Variants in R3HCC1L observed in about 807,000 individuals in gnomAD.
R3HCC1L encodes coiled-coil domain-containing protein R3HCC1L.
R3HCC1L carries 51 observed loss-of-function variants against 59.9 expected under a neutral mutation model. The ratio of observed to expected loss-of-function variants is 0.85; its 90% CI spans 0.68 to 1.07. The LOEUF (loss-of-function observed/expected upper bound fraction) is 1.07, where lower values mean the gene tolerates loss of function less well. Among genes scored for constraint, R3HCC1L ranks in the 50% least tolerant of loss-of-function variants. The pLI, the probability that R3HCC1L is intolerant of heterozygous loss-of-function variation, is 0.00. For synonymous variants in R3HCC1L, 322 were observed against 315.2 expected (o/e 1.02, Z -0.23); for missense variants, 965 against 933.0 (o/e 1.03, Z -0.45).
intron 1 of R3HCC1L, among the ~76,000 whole-genome samples, chr10:98,152,926 G>GTCCGGGAGGGAGGAGGGGGGTCAGC (rs1846389797): frequency 6.7e-6 from 1 of 148,776 alleles, no homozygotes; most frequent in Non-Finnish European, 1.5e-5. Flanking sequence ...CCGGCCAGTC[G>GTCCGGGAGGGAGGAGGGGGGTCAGC]CCCTGTCCGG....
chr10:98,163,342 A>G lies in R3HCC1L; in HGVS notation c.-70A>G, dbSNP rs1031593334. On this transcript the variant is annotated 5_prime_UTR_variant, in exon 4 of 10. Transcript: ENST00000298999. ...TTTTACACAGTTTGCCTTCAGAGACAGTCTATCGGCATGTTGTAGAGTTTT... is the reference window on the plus strand; with the variant it reads ...TTTTACACAGTTTGCCTTCAGAGACGGTCTATCGGCATGTTGTAGAGTTTT... The G allele has an allele frequency of 2.4e-6, 3 of 1,253,014 alleles. No homozygotes were observed. Among genetic ancestry groups the G allele is most frequent in the Middle Eastern group, 2.0e-4 (1 of 4,920 alleles). The allele number at this position is 1,253,014 out of a possible 1,614,324, so 77.6% of individuals were successfully genotyped here.
At chr10:98,153,049 C>T (rs1416861915) in intron 1 of R3HCC1L, among the ~76,000 whole-genome samples, 1 of 150,120 alleles carries the variant, frequency 6.7e-6, no homozygotes, top group Admixed American at 6.6e-5. Context: ...GCGCCTCTGC[C>T]CGGCCGCCCC....
chr10:98,204,909 C>T (rs1005864758), intron 4 of R3HCC1L, among the ~76,000 whole-genome samples: 6 of 151,940 alleles, frequency 3.9e-5, no homozygotes, highest in East Asian at 3.9e-4. Context: ...ACATATCTGC[C>T]GCAGATAAGA....
At chr10:98,165,476 G>A (rs1847849751) in intron 4 of R3HCC1L, among the ~76,000 whole-genome samples, 1 of 152,182 alleles carries the variant, frequency 6.6e-6, no homozygotes, top group African/African-American at 2.4e-5. Context: ...GATCCACAAT[G>A]GCTAGGCCTT....
Position 98,211,269 on chromosome 10 carries a change from A to T in R3HCC1L, c.1785+1370A>T, listed in dbSNP as rs559858036. On this transcript the variant is annotated intron_variant, in intron 5 of 9. Coordinates refer to ENST00000298999, the MANE Select transcript of R3HCC1L (RefSeq NM_001351015.2). ...TAGGAACTTGTTAGAAATTCAAATTATTTAGCCCAGCAAACTGTCTATTTA... is the reference window on the plus strand; with the variant it reads ...TAGGAACTTGTTAGAAATTCAAATTTTTTAGCCCAGCAAACTGTCTATTTA... 1.9e-5 allele frequency: 25 copies of T among 1,311,406 alleles called. No individual in the cohort carries two copies. In the Admixed American group the frequency reaches 3.6e-4, roughly 19 times the overall value. The allele number at this position is 1,311,406 out of a possible 1,614,324, so 81.2% of individuals were successfully genotyped here.
rs1220885511 is a variant in R3HCC1L at position 98,208,535 on chromosome 10, A to G, written c.421A>G (p.Lys141Glu). ...ITNAPLQRHF[K>E]PKKVECLEVE... ...TAATGCACCTTTGCAGAGACATTTT[A>G]AACCAAAGAAGGTGGAGTGTTTGGA... The change falls in exon 5 of 10, where the codon AAA becomes GAA. Residue 141 changes from lysine (K) to glutamate (E), a missense_variant. Coordinates refer to ENST00000298999, the MANE Select transcript of R3HCC1L (RefSeq NM_001351015.2). The G allele has an allele frequency of 3.1e-6, 5 of 1,614,046 alleles. No homozygotes were observed. Among genetic ancestry groups the G allele is most frequent in the Non-Finnish European group, 4.2e-6 (5 of 1,180,032 alleles).
chr10:98,219,449 T>A (rs1331826445), intron 5 of R3HCC1L, among the ~76,000 whole-genome samples: 32 of 152,236 alleles, frequency 2.1e-4, no homozygotes, highest in Non-Finnish European at 1.3e-4. Context: ...TCATGGTTCC[T>A]TATTGATAGG....
intron 5 of R3HCC1L, among the ~76,000 whole-genome samples, chr10:98,229,659 A>G (rs1326657435): frequency 1.3e-5 from 2 of 152,170 alleles, no homozygotes; most frequent in East Asian, 1.9e-4. Flanking sequence ...GTCTTGTGCC[A>G]GTTTTCAAAG....
At chr10:98,231,113 A>G (rs1856335528) in intron 5 of R3HCC1L, 3 of 374,826 alleles carry the variant, frequency 8.0e-6, no homozygotes, top group Non-Finnish European at 1.6e-5. Flanking sequence ...AAAAGAAACT[A>G]TGAGCCTGGT....
At chr10:98,221,476 A>G (rs1381999039) in intron 5 of R3HCC1L, among the ~76,000 whole-genome samples, 5 of 151,230 alleles carry the variant, frequency 3.3e-5, no homozygotes, top group African/African-American at 9.7e-5. Flanking sequence ...CTGAATGGTA[A>G]TGCCTAGGTT....
chr10:98,135,401 G>A (rs1182622480), intron 1 of R3HCC1L, among the ~76,000 whole-genome samples: 1 of 152,204 alleles, frequency 6.6e-6, no homozygotes, highest in Admixed American at 6.5e-5. Context: ...TGTCTGAAAA[G>A]TGGGGTTAAT....
At chr10:98,202,575 C>T (rs1007882526) in intron 4 of R3HCC1L, among the ~76,000 whole-genome samples, 2 of 151,958 alleles carry the variant, frequency 1.3e-5, no homozygotes, top group Non-Finnish European at 2.9e-5. Context: ...GAGTGGGGGC[C>T]GGGCGCGGTG....
intron 2 of R3HCC1L, among the ~76,000 whole-genome samples, chr10:98,160,027 C>G (rs1847249705): frequency 6.6e-6 from 1 of 152,168 alleles, no homozygotes; most frequent in Admixed American, 6.5e-5. Context: ...GATTCTGACC[C>G]AACACTACAG....
intron 4 of R3HCC1L, among the ~76,000 whole-genome samples, chr10:98,170,639 T>A (rs1197093095): frequency 6.6e-6 from 1 of 152,166 alleles, no homozygotes; most frequent in Non-Finnish European, 1.5e-5. Flanking sequence ...GCTATAAGAT[T>A]TGAAGATAGG....
chr10:98,135,410 A>G (rs1002819267), intron 1 of R3HCC1L, among the ~76,000 whole-genome samples: 21 of 152,112 alleles, frequency 1.4e-4, no homozygotes, highest in African/African-American at 5.1e-4. Context: ...AGTGGGGTTA[A>G]TGTTCTTTGC....
chr10:98,217,861 C>T (rs984428190), intron 5 of R3HCC1L, among the ~76,000 whole-genome samples: 2 of 151,786 alleles, frequency 1.3e-5, no homozygotes, highest in Non-Finnish European at 1.5e-5. Context: ...GTTATATTGG[C>T]TGACTTTGTA....
chr10:98,242,653 A>G (rs1023633455), intron 9 of R3HCC1L, among the ~76,000 whole-genome samples: 3 of 152,190 alleles, frequency 2.0e-5, no homozygotes, highest in Non-Finnish European at 4.4e-5. Context: ...ATCTCTTCTC[A>G]TATTACTCTT....
At chr10:98,189,662 T>TCAAG (rs1850622366) in intron 4 of R3HCC1L, among the ~76,000 whole-genome samples, 1 of 152,186 alleles carries the variant, frequency 6.6e-6, no homozygotes, top group South Asian at 2.1e-4. Flanking sequence ...AGGAATTATT[T>TCAAG]TGTGTTTTCA....
chr10:98,211,524 G>GAA (rs1853573818), intron 5 of R3HCC1L, among the ~76,000 whole-genome samples: 2 of 152,176 alleles, frequency 1.3e-5, no homozygotes, highest in Non-Finnish European at 2.9e-5. Context: ...AGCATTGAGA[G>GAA]AAGGCTTTAG....
Sources: allele counts gnomAD v4.1 joint callset (sites outside exome capture counted in the v4.1 genomes callset), GRCh38; gene constraint gnomAD v4.1.1; transcripts MANE v1.5; gene names NCBI Gene and HGNC (gene_info 2026-07-23, HGNC 2026-07-21).